ERCC1: variants seen among roughly 807,000 people sequenced by gnomAD.
ERCC1 encodes DNA excision repair protein ERCC-1.
A neutral mutation model predicts 37.6 loss-of-function variants in ERCC1; 36 were observed. That is an observed-to-expected ratio of 0.96 (90% CI 0.73 to 1.26). The LOEUF is 1.26. ERCC1 is among the 50% of genes most tolerant of loss of function. The probability of loss-of-function intolerance (pLI) is 0.00; values close to 1 mark genes in which losing one functional copy is unlikely to be tolerated. For synonymous variants in ERCC1, 156 were observed against 162.1 expected (o/e 0.96, Z 0.28); for missense variants, 349 against 376.5 (o/e 0.93, Z 0.60).
rs754469989 is a variant in ERCC1 at position 45,419,147 on chromosome 19, C to A, written c.476G>T (p.Ser159Ile). ...HPDYIHGRLQ[S>I]LGKNFALRVL... Reference sequence around the variant, plus strand: ...CCGCAAGGCGAAGTTCTTCCCCAGGCTCTGCAGCCGCCCATGGATGTAGTC... The same window carrying A: ...CCGCAAGGCGAAGTTCTTCCCCAGGATCTGCAGCCGCCCATGGATGTAGTC... Residue 159 changes from serine (S) to isoleucine (I), a missense_variant, in exon 5 of 10, where the codon AGC becomes ATC. Transcript: ENST00000300853. The A allele has an allele frequency of 6.3e-7, 1 of 1,597,950 alleles. No homozygotes were observed. The highest frequency in any genetic ancestry group is 8.5e-7 in the Non-Finnish European group (1 of 1,171,412).
intron 1 of ERCC1, among the ~76,000 whole-genome samples, chr19:45,437,860 T>A (rs1975019976): frequency 2.0e-5 from 3 of 152,342 alleles, no homozygotes; most frequent in South Asian, 4.1e-4. Flanking sequence ...TTAAATTTTT[T>A]AAATTTGTAA....
At chr19:45,411,762 C>A (rs1241036653) in intron 9 of ERCC1, among the ~76,000 whole-genome samples, 3 of 151,884 alleles carry the variant, frequency 2.0e-5, no homozygotes, top group Non-Finnish European at 4.4e-5. Flanking sequence ...CCATTGCACT[C>A]CAGCCTGGGC....
chr19:45,416,663 C>A, intron 6 of ERCC1, 158 bp downstream of exon 6: 1 of 617,550 alleles, frequency 1.6e-6, no homozygotes, highest in Non-Finnish European at 2.9e-6. Context: ...AAAATTAAGA[C>A]CTTGTTTTAC....
rs1974326255 is a variant in ERCC1 at position 45,420,218 on chromosome 19, C to A, written c.425+106G>T. ...CCACCAAGGCCCAGAACCTGCAGGA[C>A]CATGCCCAGAGGCTTCTCATAGAAC... is the stretch of plus-strand genomic sequence containing the variant. On this transcript the variant is annotated intron_variant, in intron 4 of 9. Coordinates refer to ENST00000300853, the MANE Select transcript of ERCC1 (RefSeq NM_001983.4). The surrounding 1 kb of genome is among the most constrained non-coding windows in gnomAD (Gnocchi z 4.8). The A allele has an allele frequency of 1.3e-6, 1 of 796,570 alleles. No homozygotes were observed. Among genetic ancestry groups the A allele is most frequent in the African/African-American group, 1.7e-5 (1 of 58,592 alleles). 49.3% of individuals were successfully genotyped at this position (796,570 alleles called of 1,614,324 possible).
chr19:45,415,825 G>C (rs1974039190), intron 6 of ERCC1: 2 of 455,446 alleles, frequency 4.4e-6, no homozygotes, highest in Non-Finnish European at 8.8e-6. Context: ...TTTGCTCTCT[G>C]GGCCTGTTTC....
chr19:45,409,892 ATT>A, intron 9 of ERCC1, 167 bp from the exon 10 acceptor site: 1 of 202,006 alleles, frequency 5.0e-6, no homozygotes, highest in Non-Finnish European at 8.2e-6. Flanking sequence ...TATTATTATT[ATT>A]ATTTTTTTTT....
chr19:45,421,834 T>C (rs1163271004), intron 2 of ERCC1, among the ~76,000 whole-genome samples: 1 of 152,060 alleles, frequency 6.6e-6, no homozygotes, highest in African/African-American at 2.4e-5. Flanking sequence ...GGTTTCAACA[T>C]GTTGTCCAGG....
rs756826500 is a variant in ERCC1, at chr19:45,413,705, G to A, written c.815C>T (p.Ala272Val). Residue 272 changes from alanine to valine, a missense_variant, in exon 9 of 10, where the codon GCC becomes GTC. Coordinates refer to ENST00000300853, the MANE Select transcript of ERCC1 (RefSeq NM_001983.4). ...QLIAASREDL[A>V]LCPGLGPQKA... The stretch of plus-strand genomic sequence containing the variant: ...CTGAGGGCCCAGGCCTGGGCATAAG[G>A]CCAGATCTTCTCTTGATGCGGCGAT... 1 of 1,614,062 alleles carries A rather than the reference G, an allele frequency of 6.2e-7. No individual in the cohort carries two copies. Among genetic ancestry groups the A allele is most frequent in the African/African-American group, 1.3e-5 (1 of 75,040 alleles).
At chr19:45,448,686 T>TA (rs578194369) in intron 1 of ERCC1, among the ~76,000 whole-genome samples, 4 of 151,588 alleles carry the variant, frequency 2.6e-5, no homozygotes, top group Admixed American at 6.6e-5. Flanking sequence ...CATCTTTATT[T>TA]AAAAAAAAGT....
chr19:45,450,052 T>C (rs1967066315), intron 1 of ERCC1, among the ~76,000 whole-genome samples: 1 of 152,202 alleles, frequency 6.6e-6, no homozygotes, highest in African/African-American at 2.4e-5. Flanking sequence ...GAGCACTTAT[T>C]ATGTACTAAG....
upstream of ERCC1, among the ~76,000 whole-genome samples, chr19:45,426,843 C>T (rs535907696): frequency 2.3e-4 from 35 of 151,574 alleles, no homozygotes; most frequent in African/African-American, 8.2e-4. Context: ...GCCTGTAATC[C>T]CAGCACTTTG....
chr19:45,431,222 C>A (rs187816834), intron 1 of ERCC1, among the ~76,000 whole-genome samples: 2 of 152,356 alleles, frequency 1.3e-5, no homozygotes, highest in Non-Finnish European at 2.9e-5. Flanking sequence ...GAGGACCCAG[C>A]TGTCTTCTGT....
At chr19:45,419,769 T>C (rs1320008252) in intron 4 of ERCC1, among the ~76,000 whole-genome samples, 1 of 152,126 alleles carries the variant, frequency 6.6e-6, no homozygotes, top group Non-Finnish European at 1.5e-5. Context: ...CTGCTTCTCA[T>C]CAACTCCAGT....
intron 1 of ERCC1, among the ~76,000 whole-genome samples, chr19:45,446,525 G>C (rs1451235262): frequency 6.6e-6 from 1 of 152,132 alleles, no homozygotes; most frequent in Non-Finnish European, 1.5e-5. Context: ...CTTGCCTAAG[G>C]TCTCACGGCT....
intron 2 of ERCC1, 51 bp from the exon 3 acceptor site, chr19:45,421,444 C>A (rs780529907): frequency 7.5e-7 from 1 of 1,331,202 alleles, no homozygotes; most frequent in Non-Finnish European, 1.0e-6. Context: ...GAGCAGAGGA[C>A]ATCTGAGGCC....
At chr19:45,432,731 G>A (rs1030197871) in intron 1 of ERCC1, among the ~76,000 whole-genome samples, 2 of 152,046 alleles carry the variant, frequency 1.3e-5, no homozygotes, top group African/African-American at 2.4e-5. Context: ...TTGTAGAGAC[G>A]GGGTCTTGCT....
rs200386912 is a variant in ERCC1, at chr19:45,409,892, A to ATTTTTTTTTTTTTT, written c.844-168_844-167insAAAAAAAAAAAAAA. The ATTTTTTTTTTTTTT allele has an allele frequency of 4.7e-4, 97 of 206,428 alleles. 3 individuals are homozygous for ATTTTTTTTTTTTTT. The highest frequency in any genetic ancestry group is 5.6e-4 in the Non-Finnish European group (70 of 123,900). 12.8% of individuals were successfully genotyped at this position (206,428 alleles called of 1,614,324 possible). A position where few individuals can be genotyped will look rare whatever the true frequency, so the allele number is the denominator to read the frequency against. Reference sequence around the variant, plus strand: ...ATCTTTTTAAGTTATTATTATTATTATTATTTTTTTTTTTTTTGAGATGGA... The same window carrying ATTTTTTTTTTTTTT: ...ATCTTTTTAAGTTATTATTATTATTATTTTTTTTTTTTTTTTATTTTTTTTTTTTTTGAGATGGA... On this transcript the variant is annotated intron_variant, in intron 9 of 9. Coordinates refer to ENST00000300853, the MANE Select transcript of ERCC1 (RefSeq NM_001983.4).
In ERCC1 at chr19:45,408,062, A is replaced by AAAAAAAAAATCAAAAAACCT. The variant is rs747498774; in HGVS notation, c.*1593_*1612dup. 24,112 of 754,932 alleles carry AAAAAAAAAATCAAAAAACCT rather than the reference A, an allele frequency of 0.032. 207 individuals carry two copies. The highest frequency in any genetic ancestry group is 0.04 in the Admixed American group (584 of 14,730). The allele number at this position is 754,932 out of a possible 1,614,324, so 46.8% of individuals were successfully genotyped here. On this transcript the variant is annotated 3_prime_UTR_variant, in exon 10 of 10. Transcript: ENST00000300853. Reference sequence around the variant, plus strand: ...GAGCAAGACTCTCTCAAAAAAAAACAAAAAAAAAATCAAAAAACCTTCCCT... The same window carrying AAAAAAAAAATCAAAAAACCT: ...GAGCAAGACTCTCTCAAAAAAAAACAAAAAAAAAATCAAAAAACCTAAAAAAAAATCAAAAAACCTTCCCT...
At chr19:45,439,898 C>G (rs970556902) in intron 1 of ERCC1, among the ~76,000 whole-genome samples, 1 of 152,126 alleles carries the variant, frequency 6.6e-6, no homozygotes, top group Non-Finnish European at 1.5e-5. Flanking sequence ...GGAACCCGCG[C>G]GGCGCCGCGT....
Sources: allele counts gnomAD v4.1 joint callset (sites outside exome capture counted in the v4.1 genomes callset), GRCh38; gene constraint gnomAD v4.1.1; non-coding constraint Gnocchi (gnomAD v3.1); transcripts MANE v1.5; gene names NCBI Gene and HGNC (gene_info 2026-07-23, HGNC 2026-07-21).